Variants in MYBL2 observed in about 807,000 individuals in gnomAD.
The protein encoded by MYBL2 is MYB proto-oncogene like 2, also known as myb-related protein B.
A neutral mutation model predicts 79.9 loss-of-function variants in MYBL2; 28 were observed. That is an observed-to-expected ratio of 0.35 (90% CI 0.26 to 0.48). The LOEUF is 0.48. MYBL2 is among the 20% of genes least tolerant of loss of function. MYBL2 has a pLI of 0.99. For synonymous variants in MYBL2, 378 were observed against 361.2 expected, an observed-to-expected ratio of 1.05 and a Z score of -0.53; for missense variants, 735 against 893.9, an observed-to-expected ratio of 0.82 and a Z score of 2.27.
At chr20:43,679,177 G>A (rs990861213) in intron 2 of MYBL2, among the ~76,000 whole-genome samples, 3 of 152,172 alleles carry the variant, frequency 2.0e-5, no homozygotes, top group Non-Finnish European at 4.4e-5. Context: ...GTCCTGGGCT[G>A]GCTCACCCAG....
rs763124694 is a variant in MYBL2 at position 43,681,867 on chromosome 20, C to T, written c.186+12C>T. ...CCAGCCACTTCCCTGTGAGTACAGT[C>T]CTGCTGTGGCCCTCCCTCGGGGCAA... is the stretch of plus-strand genomic sequence containing the variant. On this transcript the variant is annotated intron_variant, in intron 3 of 13. Coordinates refer to ENST00000217026, the MANE Select transcript of MYBL2 (RefSeq NM_002466.4). The T allele has an allele frequency of 1.9e-6, 3 of 1,613,740 alleles. No individual in the cohort carries two copies. In the African/African-American group the frequency reaches 4.0e-5, roughly 22 times the overall value.
chr20:43,706,748 C>CTTTTTTTTTTTT (rs1987794776), intron 9 of MYBL2, among the ~76,000 whole-genome samples: 1 of 54,904 alleles, frequency 1.8e-5, no homozygotes, highest in African/African-American at 7.7e-5. Flanking sequence ...TGGAGTCTTG[C>CTTTTTTTTTTTT]TTTATCACCC....
chr20:43,676,971 TGGGCTCAA>T (rs1246462100), intron 2 of MYBL2, among the ~76,000 whole-genome samples: 7 of 152,150 alleles, frequency 4.6e-5, no homozygotes, highest in African/African-American at 1.7e-4. Flanking sequence ...GCTGGTCTCC[TGGGCTCAA>T]GCAATCTTCC....
intron 12 of MYBL2, 114 bp downstream of exon 12, chr20:43,713,220 T>TA (rs1484908889): frequency 3.5e-6 from 2 of 572,564 alleles, no homozygotes; most frequent in Non-Finnish European, 6.3e-6. Context: ...AGGGAGGGGC[T>TA]ATCAGGGAGG....
intron 6 of MYBL2, among the ~76,000 whole-genome samples, chr20:43,694,793 T>A (rs1192379224): frequency 1.3e-5 from 2 of 152,204 alleles, no homozygotes; most frequent in African/African-American, 4.8e-5. Context: ...ATGTGTTTGA[T>A]CTTTTACTTC....
intron 5 of MYBL2, among the ~76,000 whole-genome samples, chr20:43,687,351 C>G (rs1987301260): frequency 6.6e-6 from 1 of 152,170 alleles, no homozygotes; most frequent in South Asian, 2.1e-4. Context: ...GTTCCCAGCT[C>G]ACTGTGTCTT....
At chr20:43,700,213 A>T (rs1987649608) in intron 7 of MYBL2, among the ~76,000 whole-genome samples, 169 bp downstream of exon 7, 1 of 152,162 alleles carries the variant, frequency 6.6e-6, no homozygotes, top group African/African-American at 2.4e-5. Flanking sequence ...GGTTGTCAGC[A>T]TGCAGTCCCT....
At chr20:43,668,686 T>G (rs1317026229) in intron 1 of MYBL2, among the ~76,000 whole-genome samples, 3 of 3,890 alleles carry the variant, frequency 7.7e-4, no homozygotes, top group Admixed American at 5.9e-3. Context: ...CCTGCCCTGG[T>G]TTTTTTTTTT....
intron 11 of MYBL2, among the ~76,000 whole-genome samples, chr20:43,712,073 C>T (rs866807870): frequency 6.1e-4 from 92 of 151,182 alleles, no homozygotes; most frequent in African/African-American, 1.8e-3. Flanking sequence ...GGCTGAGTGT[C>T]AAGCTGCATG....
chr20:43,706,482 G>A (rs913708595), intron 9 of MYBL2, among the ~76,000 whole-genome samples: 4 of 151,964 alleles, frequency 2.6e-5, no homozygotes, highest in East Asian at 1.9e-4. Context: ...GGAGGAAATC[G>A]CTATTTTGTG....
intron 11 of MYBL2, 31 bp from the exon 12 acceptor site, chr20:43,712,971 C>T: frequency 6.4e-7 from 1 of 1,550,576 alleles, no homozygotes; most frequent in Non-Finnish European, 8.8e-7. Context: ...CAGACACTCA[C>T]CCTAACCCCC....
chr20:43,708,530 T>C (rs1420992144), intron 9 of MYBL2, among the ~76,000 whole-genome samples: 2 of 152,090 alleles, frequency 1.3e-5, no homozygotes, highest in Admixed American at 1.3e-4. Flanking sequence ...AATTCTGGGC[T>C]CAAGTGGTCC....
At position 43,702,703 on chromosome 20, in the gene MYBL2, C is replaced by T; in HGVS notation, c.1165C>T (p.Leu389=). Residue 389 remains leucine, a synonymous_variant, in exon 8 of 14, where the codon CTG becomes TTG. Coordinates refer to ENST00000217026, the MANE Select transcript of MYBL2 (RefSeq NM_002466.4). ...CCTGAGCCGGAGCAGCCGGGGCGAG[C>T]TGATCCCCATCTCCCCCAGCACTGA... ...SDLSRSSRGE[L]IPISPSTEVG... is the part of the protein sequence containing the mutation. The T allele has an allele frequency of 6.2e-7, 1 of 1,613,644 alleles. No homozygotes were observed. Among genetic ancestry groups the T allele is most frequent in the Non-Finnish European group, 8.5e-7 (1 of 1,179,652 alleles).
At chr20:43,685,201 A>T (rs1244038185) in intron 4 of MYBL2, among the ~76,000 whole-genome samples, 1 of 150,036 alleles carries the variant, frequency 6.7e-6, no homozygotes, top group East Asian at 2.0e-4. Context: ...TATTTTTGAG[A>T]TGGAGTTTCG....
At chr20:43,672,192 C>CA (rs2145705583) in intron 1 of MYBL2, among the ~76,000 whole-genome samples, 1 of 6,308 alleles carries the variant, frequency 1.6e-4, no homozygotes, top group East Asian at 4.0e-3. Context: ...GCCTGGGTGA[C>CA]AGAGTGAAAC....
chr20:43,679,995 T>A (rs1196634819), intron 2 of MYBL2, among the ~76,000 whole-genome samples: 1 of 150,962 alleles, frequency 6.6e-6, no homozygotes, highest in African/African-American at 2.4e-5. Flanking sequence ...GGCAGCTATC[T>A]TTCTACTCTG....
At chr20:43,697,831 C>T (rs1166384887) in intron 6 of MYBL2, among the ~76,000 whole-genome samples, 4 of 150,756 alleles carry the variant, frequency 2.7e-5, no homozygotes, top group East Asian at 1.9e-4. Context: ...AGGAGAATGG[C>T]GTGAACCTGG....
chr20:43,690,464 T>C (rs1010083574), intron 5 of MYBL2, among the ~76,000 whole-genome samples: 1 of 151,664 alleles, frequency 6.6e-6, no homozygotes. Flanking sequence ...CAAGGGCTCT[T>C]ATGCAGATAA....
At chr20:43,683,299 G>A (rs187432276) in intron 4 of MYBL2, among the ~76,000 whole-genome samples, 33 of 152,318 alleles carry the variant, frequency 2.2e-4, no homozygotes, top group Non-Finnish European at 4.1e-4. Flanking sequence ...ACAGGGCACA[G>A]ATGCCTTCTT....
Sources: allele counts gnomAD v4.1 joint callset (sites outside exome capture counted in the v4.1 genomes callset), GRCh38; gene constraint gnomAD v4.1.1; transcripts MANE v1.5; gene names NCBI Gene and HGNC (gene_info 2026-07-23, HGNC 2026-07-21).